PTPRD: variants seen among roughly 807,000 people sequenced by gnomAD.
PTPRD encodes the protein protein tyrosine phosphatase receptor type D.
PTPRD carries 34 observed loss-of-function variants against 214.5 expected under a neutral mutation model. The observed-to-expected ratio is 0.16, with a 90% CI of 0.12 to 0.21. The LOEUF (loss-of-function observed/expected upper bound fraction) is 0.21, where lower values mean the gene tolerates loss of function less well. PTPRD is among the 10% of genes least tolerant of loss of function. The probability of loss-of-function intolerance (pLI) is 1.00; values close to 1 mark genes in which losing one functional copy is unlikely to be tolerated. For synonymous variants in PTPRD, 1,128 were observed against 845.7 expected (o/e 1.33, Z -5.79); for missense variants, 2,545 against 2,398.7 (o/e 1.06, Z -1.27).
At chr9:10,352,182 C>T (rs1182266779) in intron 2 of PTPRD, among the ~76,000 whole-genome samples, 1 of 151,928 alleles carries the variant, frequency 6.6e-6, no homozygotes, top group Non-Finnish European at 1.5e-5. Context: ...ATTGAGTTTT[C>T]TTCACTGGAT....
intron 11 of PTPRD, among the ~76,000 whole-genome samples, chr9:8,881,594 C>T (rs535441974): frequency 5.9e-5 from 9 of 152,104 alleles, no homozygotes; most frequent in Middle Eastern, 3.2e-3. Flanking sequence ...GACAACTAAC[C>T]ATAATTCAAC....
rs117073427 is a variant in PTPRD, at chr9:8,490,708, T to C, written c.2467+2154A>G. Among the ~76,000 whole-genome samples, 549 of 152,290 alleles carry C rather than the reference T, an allele frequency of 3.6e-3. 1 individual carries two copies. The highest frequency in any genetic ancestry group is 6.3e-3 in the Non-Finnish European group (432 of 68,038). The stretch of plus-strand genomic sequence containing the variant: ...GCATTGAAACATAAGAGCCAACATT[T>C]TCTTCAGAAGCATCCTTGAGGTTAT... On this transcript the variant is annotated intron_variant, in intron 27 of 45. Transcript: ENST00000381196.
At chr9:10,237,400 T>C (rs1012218826) in intron 3 of PTPRD, among the ~76,000 whole-genome samples, 3 of 151,926 alleles carry the variant, frequency 2.0e-5, no homozygotes, top group African/African-American at 7.2e-5. Context: ...AGTCTGGTAG[T>C]TCTTCATTAA....
chr9:9,926,324 T>C (rs554100438), intron 5 of PTPRD, among the ~76,000 whole-genome samples: 8 of 151,978 alleles, frequency 5.3e-5, no homozygotes, highest in South Asian at 2.1e-4. Context: ...ACAGGAAAAA[T>C]AGTGGATATT....
At chr9:9,903,657 A>G (rs2076913667) in intron 5 of PTPRD, among the ~76,000 whole-genome samples, 2 of 152,120 alleles carry the variant, frequency 1.3e-5, no homozygotes, top group Non-Finnish European at 2.9e-5. Context: ...ACAAATCAAT[A>G]TGATTGATCT....
At chr9:9,898,350 T>C (rs2075566383) in intron 5 of PTPRD, among the ~76,000 whole-genome samples, 2 of 152,104 alleles carry the variant, frequency 1.3e-5, no homozygotes, top group South Asian at 2.1e-4. Context: ...TTTAATTAGC[T>C]GTTTACATAC....
intron 3 of PTPRD, among the ~76,000 whole-genome samples, chr9:10,298,642 G>T (rs1031159114): frequency 6.6e-6 from 1 of 151,878 alleles, no homozygotes; most frequent in Non-Finnish European, 1.5e-5. Flanking sequence ...CATTTCCCAT[G>T]ATTGTGATGC....
chr9:9,973,344 C>T lies in PTPRD; in HGVS notation c.-471-34734G>A, dbSNP rs184796977. Among the ~76,000 whole-genome samples the T allele has an allele frequency of 9.0e-3, 1,360 of 150,654 alleles. 17 individuals are homozygous for T. The highest frequency in any genetic ancestry group is 0.014 in the Non-Finnish European group (923 of 67,756). On this transcript the variant is annotated intron_variant, in intron 4 of 45. Coordinates refer to ENST00000381196, the MANE Select transcript of PTPRD (RefSeq NM_002839.4). ...AAAATTACCCAGGTGTGGTCGCTTG[C>T]GTCTGTCGTCCCAGCTACTTGGAAG...
chr9:9,850,801 T>C (rs186331283), intron 5 of PTPRD, among the ~76,000 whole-genome samples: 2 of 152,128 alleles, frequency 1.3e-5, no homozygotes, highest in Non-Finnish European at 2.9e-5. Flanking sequence ...AAATATTATA[T>C]CCTTTGACCA....
rs1564800656 is a variant in PTPRD at position 8,436,695 on chromosome 9, G to A, written c.3989-6C>T. On this transcript the variant is annotated splice_polypyrimidine_tract_variant and splice_region_variant and intron_variant, in intron 34 of 45. Coordinates refer to ENST00000381196, the MANE Select transcript of PTPRD (RefSeq NM_002839.4). ...TGGAGGATGGCTAGCCATACCTATTGAAAAAAGCAAAGAAGAAACACATTT... is the reference window on the plus strand; with the variant it reads ...TGGAGGATGGCTAGCCATACCTATTAAAAAAAGCAAAGAAGAAACACATTT... The A allele has an allele frequency of 6.3e-7, 1 of 1,597,544 alleles. No homozygotes were observed. Among genetic ancestry groups the A allele is most frequent in the East Asian group, 2.2e-5 (1 of 44,712 alleles).
chr9:9,397,686 GTTGT>G (rs2068430645), intron 8 of PTPRD, among the ~76,000 whole-genome samples: 1 of 151,872 alleles, frequency 6.6e-6, no homozygotes, highest in Non-Finnish European at 1.5e-5. Flanking sequence ...AAAGATATTA[GTTGT>G]TTATTCAAAA....
At chr9:8,464,581 C>G (rs1299077171) in intron 32 of PTPRD, among the ~76,000 whole-genome samples, 1 of 151,916 alleles carries the variant, frequency 6.6e-6, no homozygotes, top group Non-Finnish European at 1.5e-5. Flanking sequence ...TGGGAAATGA[C>G]TGGCTCAACT....
chr9:10,604,164 TATATTCTGAC>T (rs2078686747), intron 2 of PTPRD, among the ~76,000 whole-genome samples: 2 of 8,284 alleles, frequency 2.4e-4, no homozygotes, highest in Non-Finnish European at 0.014. Flanking sequence ...GTGAGGACCA[TATATTCTGAC>T]CTATTCTGAC....
intron 3 of PTPRD, among the ~76,000 whole-genome samples, chr9:10,071,208 A>G (rs2098006473): frequency 6.6e-6 from 1 of 152,018 alleles, no homozygotes; most frequent in Non-Finnish European, 1.5e-5. Flanking sequence ...ATGAATATAG[A>G]TCTAACACAA....
At chr9:9,179,850 C>G (rs2099927128) in intron 10 of PTPRD, among the ~76,000 whole-genome samples, 1 of 152,052 alleles carries the variant, frequency 6.6e-6, no homozygotes, top group Non-Finnish European at 1.5e-5. Context: ...CTCTAGTTCT[C>G]AGGTCCCTCA....
intron 5 of PTPRD, among the ~76,000 whole-genome samples, chr9:9,894,119 C>G (rs1402121800): frequency 6.6e-6 from 1 of 151,972 alleles, no homozygotes; most frequent in Non-Finnish European, 1.5e-5. Flanking sequence ...ACTCCCAACC[C>G]TTTTATTTTA....
In PTPRD at chr9:10,278,093, G is replaced by A. The variant is rs1049133174; in HGVS notation, c.-545+62870C>T. Among the ~76,000 whole-genome samples, 7 of 151,346 alleles carry A rather than the reference G, an allele frequency of 4.6e-5. No homozygotes were observed. In the East Asian group the frequency reaches 1.4e-3, roughly 29 times the overall value. On this transcript the variant is annotated intron_variant, in intron 3 of 45. Coordinates refer to ENST00000381196, the MANE Select transcript of PTPRD (RefSeq NM_002839.4). ...GAGAATGGCGTGAACTTGGGAGGTG[G>A]AGCGAAGAGCCGAGATAGCGCCACT...
intron 14 of PTPRD, among the ~76,000 whole-genome samples, chr9:8,600,307 G>A (rs577639125): frequency 2.0e-5 from 3 of 152,290 alleles, no homozygotes; most frequent in South Asian, 2.1e-4. Flanking sequence ...CTCTGAGGCC[G>A]TATGTGAACT....
chr9:9,394,354 T>G (rs1373609106), intron 9 of PTPRD, among the ~76,000 whole-genome samples: 1 of 152,190 alleles, frequency 6.6e-6, no homozygotes, highest in African/African-American at 2.4e-5. Flanking sequence ...TAGTGCTCTA[T>G]TCCTAGTGCC....
Sources: gnomAD v4.1 joint callset for allele counts (sites outside exome capture counted in the v4.1 genomes callset) on GRCh38, gnomAD v4.1.1 for gene constraint, MANE v1.5 for transcripts, NCBI Gene and HGNC (gene_info 2026-07-23, HGNC 2026-07-21) for gene names.